Variants in LMNTD1 observed in about 807,000 individuals in gnomAD.
LMNTD1 encodes the protein lamin tail domain-containing protein 1.
Under a neutral mutation model 50.9 loss-of-function variants are expected in LMNTD1, and 35 were observed. The observed-to-expected ratio is 0.69, with a 90% CI of 0.53 to 0.91. The LOEUF is 0.91. Among genes scored for constraint, LMNTD1 ranks in the 40% least tolerant of loss-of-function variants. LMNTD1 has a pLI of 0.00. For synonymous variants in LMNTD1, 153 were observed against 161.9 expected (o/e 0.94, Z 0.42); for missense variants, 470 against 475.5 (o/e 0.99, Z 0.11).
chr12:25,640,273 GC>G (rs1946926268), intron 1 of LMNTD1, among the ~76,000 whole-genome samples: 1 of 152,112 alleles, frequency 6.6e-6, no homozygotes, highest in Non-Finnish European at 1.5e-5. Flanking sequence ...ACTTTGGGAG[GC>G]CAAGGCGGGC....
chr12:25,523,897 C>T (rs7131724), intron 6 of LMNTD1, among the ~76,000 whole-genome samples: 110,253 of 151,240 alleles, frequency 0.73, 41,329 homozygotes, highest in East Asian at 0.85. Flanking sequence ...GGGAAGAGAG[C>T]CTATTGAGAG....
rs147848765 is a variant in LMNTD1, at chr12:25,482,556, A to G, written c.*23-6096T>C. Among the ~76,000 whole-genome samples, 418 of 152,162 alleles carry G rather than the reference A, an allele frequency of 2.7e-3. 10 individuals carry two copies. Among genetic ancestry groups the G allele is most frequent in the African/African-American group, 9.6e-3 (399 of 41,384 alleles). ...TTGAACAAAATCAGCTAAATTTTGA[A>G]TATATCTTTGAAAATGTTTCCAAGT... On this transcript the variant is annotated intron_variant, in intron 9 of 9. Transcript: ENST00000458174.
intron 4 of LMNTD1, among the ~76,000 whole-genome samples, chr12:25,545,567 G>T (rs143790302): frequency 2.0e-4 from 31 of 151,684 alleles, no homozygotes; most frequent in African/African-American, 7.0e-4. Context: ...TTTTTAATAG[G>T]ATTGCATTTT....
rs773906819 is a variant in LMNTD1, at chr12:25,549,359, C to T, written c.277G>A (p.Val93Ile). The T allele has an allele frequency of 6.2e-7, 1 of 1,610,784 alleles. No homozygotes were observed. The highest frequency in any genetic ancestry group is 1.7e-5 in the Admixed American group (1 of 59,860). ...TTGQLTSKAT[V>I]GSCSRVENSL... ...TTTTCCACTCTGGAACAGCTACCTA[C>T]AGTAGCTTTAGAAGTCAATTGTCCA... Residue 93 changes from valine to isoleucine, a missense_variant, in exon 3 of 10, where the codon GTA becomes ATA. Coordinates refer to ENST00000458174, the MANE Select transcript of LMNTD1 (RefSeq NM_001145728.2).
At position 25,484,163 on chromosome 12, in the gene LMNTD1, T is replaced by TA. The variant is rs924529429; in HGVS notation, c.*23-7704dup. ...ACTTTATCCAATTAGAGCTTTCAAT[T>TA]AAAGTCAACTTCTTTCTAAATTATT... On this transcript the variant is annotated intron_variant, in intron 9 of 9. Coordinates refer to ENST00000458174, the MANE Select transcript of LMNTD1 (RefSeq NM_001145728.2). Among the ~76,000 whole-genome samples the TA allele has an allele frequency of 6.6e-5, 10 of 152,186 alleles. 1 individual carries two copies. Among genetic ancestry groups the TA allele is most frequent in the African/African-American group, 2.4e-4 (10 of 41,410 alleles).
chr12:25,536,721 G>C (rs564690517), intron 4 of LMNTD1, among the ~76,000 whole-genome samples: 2 of 152,314 alleles, frequency 1.3e-5, no homozygotes, highest in South Asian at 4.1e-4. Flanking sequence ...AGTAGGGGAG[G>C]AGCCAAGATG....
Position 25,526,757 on chromosome 12 carries a change from T to C in LMNTD1, c.678+12A>G. On this transcript the variant is annotated intron_variant, in intron 5 of 9. Transcript: ENST00000458174. ...CAATTCTAATGTACAGTATTTATAC[T>C]CTTATACTCACTGTTACTGTGGAAT... The C allele has an allele frequency of 2.5e-6, 4 of 1,568,652 alleles. No individual in the cohort carries two copies. Among genetic ancestry groups the C allele is most frequent in the East Asian group, 2.2e-5 (1 of 44,668 alleles).
chr12:25,608,495 G>A (rs1028996004), intron 1 of LMNTD1, among the ~76,000 whole-genome samples: 26 of 152,158 alleles, frequency 1.7e-4, no homozygotes, highest in Non-Finnish European at 3.2e-4. Flanking sequence ...CATGTTTAGT[G>A]CTCCCTTCAG....
At chr12:25,554,390 A>T (rs189918256), upstream of LMNTD1, among the ~76,000 whole-genome samples, 177 of 152,340 alleles carry the variant, frequency 1.2e-3, no homozygotes, top group African/African-American at 4.2e-3. Flanking sequence ...GAGAAATAAA[A>T]TTCTGTCAGC....
intron 9 of LMNTD1, among the ~76,000 whole-genome samples, chr12:25,496,028 C>T (rs1431842909): frequency 6.6e-6 from 1 of 152,136 alleles, no homozygotes; most frequent in Non-Finnish European, 1.5e-5. Context: ...TGAAATTTTC[C>T]TGAGATAACA....
At chr12:25,644,627 G>A (rs1055021885) in intron 1 of LMNTD1, among the ~76,000 whole-genome samples, 1 of 152,034 alleles carries the variant, frequency 6.6e-6, no homozygotes, top group African/African-American at 2.4e-5. Context: ...GTATTTTGAG[G>A]TTTTTTTTGT....
intron 1 of LMNTD1, among the ~76,000 whole-genome samples, chr12:25,569,731 G>A (rs1302350025): frequency 6.6e-6 from 1 of 152,046 alleles, no homozygotes; most frequent in Non-Finnish European, 1.5e-5. Flanking sequence ...AGCACCCCCT[G>A]CCCACCTTGC....
At chr12:25,645,545 A>G (rs985575148) in intron 1 of LMNTD1, among the ~76,000 whole-genome samples, 2 of 152,218 alleles carry the variant, frequency 1.3e-5, no homozygotes, top group African/African-American at 4.8e-5. Context: ...ATAGAGTAGA[A>G]TTATGTGTGG....
At chr12:25,585,871 T>C (rs1352776190) in intron 1 of LMNTD1, 1 of 152,236 alleles carries the variant, frequency 6.6e-6, no homozygotes, top group East Asian at 1.9e-4. Context: ...ATTCTATAGC[T>C]GAATGAGATC....
chr12:25,646,995 T>G (rs73080341), intron 1 of LMNTD1, among the ~76,000 whole-genome samples: 1 of 152,218 alleles, frequency 6.6e-6, no homozygotes, highest in Non-Finnish European at 1.5e-5. Context: ...AGAATTAAAG[T>G]GGCAGACTTT....
intron 9 of LMNTD1, among the ~76,000 whole-genome samples, chr12:25,491,370 A>G (rs759572498): frequency 9.2e-5 from 14 of 152,336 alleles, no homozygotes; most frequent in Non-Finnish European, 1.6e-4. Flanking sequence ...GTAACAGGAA[A>G]GTCTACAGAG....
chr12:25,503,904 A>G (rs957431537), intron 8 of LMNTD1, 104 bp from the exon 9 acceptor site: 34 of 602,370 alleles, frequency 5.6e-5, no homozygotes, highest in Non-Finnish European at 8.8e-5. Flanking sequence ...GTTAAAACAA[A>G]TCCTGGAATA....
intron 1 of LMNTD1, among the ~76,000 whole-genome samples, chr12:25,604,337 A>C (rs898490749): frequency 2.6e-5 from 4 of 151,936 alleles, no homozygotes; most frequent in African/African-American, 7.2e-5. Flanking sequence ...TTCTTTATTT[A>C]TTTATTTTTA....
intron 9 of LMNTD1, among the ~76,000 whole-genome samples, chr12:25,500,704 C>G (rs574387880): frequency 4.6e-5 from 7 of 152,250 alleles, no homozygotes; most frequent in African/African-American, 1.7e-4. Context: ...CAAGTCTAAA[C>G]GTTCACACGA....
Sources: allele counts gnomAD v4.1 joint callset (sites outside exome capture counted in the v4.1 genomes callset), GRCh38; gene constraint gnomAD v4.1.1; transcripts MANE v1.5; gene names NCBI Gene and HGNC (gene_info 2026-07-23, HGNC 2026-07-21).